The following ANKRD30B variants were observed in gnomAD, a reference collection of about 807,000 sequenced individuals.
The protein encoded by ANKRD30B is ankyrin repeat domain-containing protein 30B.
A neutral mutation model predicts 202.2 loss-of-function variants in ANKRD30B; 144 were observed. The ratio of observed to expected loss-of-function variants is 0.71; its 90% CI spans 0.62 to 0.82. ANKRD30B has a LOEUF of 0.82. Among genes scored for constraint, ANKRD30B ranks in the 40% least tolerant of loss-of-function variants. The probability of loss-of-function intolerance (pLI) is 0.00; values close to 1 mark genes in which losing one functional copy is unlikely to be tolerated. For missense variants in ANKRD30B, 1,487 were observed against 1,669.1 expected, an observed-to-expected ratio of 0.89 and a Z score of 1.90; for synonymous variants, 508 against 561.3, an observed-to-expected ratio of 0.91 and a Z score of 1.34.
the ANKRD30B span, among the ~76,000 whole-genome samples, chr18:14,880,458 A>G: frequency 1.3e-5 from 2 of 151,844 alleles, no homozygotes; most frequent in Non-Finnish European, 2.9e-5. Flanking sequence ...GAATTTGTAG[A>G]TTGCCTTTAA....
chr18:14,879,211 G>A, the ANKRD30B span, among the ~76,000 whole-genome samples: 2 of 152,130 alleles, frequency 1.3e-5, no homozygotes, highest in African/African-American at 4.8e-5. Context: ...CAGGGTCAGA[G>A]ACCAGTTAGA....
chr18:14,921,978 C>CA, the ANKRD30B span, among the ~76,000 whole-genome samples: 3 of 152,028 alleles, frequency 2.0e-5, no homozygotes, highest in South Asian at 2.1e-4. Flanking sequence ...CAAAAACAAA[C>CA]AAAAAAATCC....
At position 14,797,648 on chromosome 18, in the gene ANKRD30B, C is replaced by G; in HGVS notation, c.1928-13C>G. 6.2e-7 allele frequency: 1 copy of G among 1,604,342 alleles called. No homozygotes were observed. The highest frequency in any genetic ancestry group is 8.5e-7 in the Non-Finnish European group (1 of 1,171,508). On this transcript the variant is annotated splice_polypyrimidine_tract_variant and intron_variant, in intron 18 of 43. Coordinates refer to ENST00000690538, the MANE Select transcript of ANKRD30B (RefSeq NM_001367607.2). ...TTGCATATAATCAATTATAAATGTC[C>G]CTTTTCTTTTAGAGTCTCCTGATAA...
chr18:14,796,527 T>C (rs1236654596), intron 18 of ANKRD30B, 112 bp downstream of exon 18: 1 of 1,303,120 alleles, frequency 7.7e-7, no homozygotes, highest in African/African-American at 1.5e-5. Flanking sequence ...GGTGGGAAAA[T>C]TTGAAACAAA....
chr18:14,787,133 G>A (rs770561391), intron 15 of ANKRD30B, 33 bp downstream of exon 15: 7 of 1,562,452 alleles, frequency 4.5e-6, no homozygotes, highest in South Asian at 3.4e-5. Context: ...TTAAATATTA[G>A]TATTGCATGA....
chr18:14,772,735 T>G (rs745442242), intron 9 of ANKRD30B, among the ~76,000 whole-genome samples: 1 of 151,258 alleles, frequency 6.6e-6, no homozygotes, highest in Non-Finnish European at 1.5e-5. Context: ...TTTGCATGTA[T>G]TATTTTGATA....
chr18:14,895,898 G>A, the ANKRD30B span, among the ~76,000 whole-genome samples: 1 of 151,756 alleles, frequency 6.6e-6, no homozygotes, highest in African/African-American at 2.4e-5. Context: ...TGAATCACAG[G>A]GGATTTTTAA....
chr18:14,794,053 G>T (rs1968707404), intron 16 of ANKRD30B, among the ~76,000 whole-genome samples: 2 of 152,052 alleles, frequency 1.3e-5, no homozygotes, highest in African/African-American at 4.8e-5. Context: ...TAAAAGTGAA[G>T]TAATTAAAAT....
chr18:14,776,195 T>G (rs192717527), intron 9 of ANKRD30B, among the ~76,000 whole-genome samples: 1 of 152,196 alleles, frequency 6.6e-6, no homozygotes, highest in African/African-American at 2.4e-5. Flanking sequence ...ATTTTCAATA[T>G]TTTGACCTGG....
the ANKRD30B span, among the ~76,000 whole-genome samples, chr18:14,872,179 G>T: frequency 6.6e-6 from 1 of 152,184 alleles, no homozygotes; most frequent in Non-Finnish European, 1.5e-5. Context: ...CTCTCAGCCA[G>T]GAAGTCACTT....
At chr18:14,829,634 T>C (rs1454984391) in intron 33 of ANKRD30B, among the ~76,000 whole-genome samples, 1 of 152,104 alleles carries the variant, frequency 6.6e-6, no homozygotes, top group African/African-American at 2.4e-5. Context: ...ACAGAAGACA[T>C]TGGGAGTTAT....
chr18:14,758,446 C>T (rs2143687625), intron 5 of ANKRD30B, among the ~76,000 whole-genome samples: 1 of 152,288 alleles, frequency 6.6e-6, no homozygotes, highest in Non-Finnish European at 1.5e-5. Context: ...GAAACTGCCC[C>T]TGCAGTCTGG....
intron 16 of ANKRD30B, among the ~76,000 whole-genome samples, chr18:14,793,660 C>T (rs1443416487): frequency 1.3e-5 from 2 of 151,946 alleles, no homozygotes; most frequent in Non-Finnish European, 2.9e-5. Context: ...TTTGGGAGGC[C>T]GAGGCGGGCG....
chr18:14,843,580 TGTGTGTGTGTGTGG>T (rs1459584348), intron 39 of ANKRD30B, among the ~76,000 whole-genome samples: 3 of 151,284 alleles, frequency 2.0e-5, no homozygotes, highest in Non-Finnish European at 4.4e-5. Flanking sequence ...TGTGTGTGTG[TGTGTGTGTGTGTGG>T]TGTGCACGTT....
At chr18:14,794,032 A>G (rs987735567) in intron 16 of ANKRD30B, among the ~76,000 whole-genome samples, 18 of 152,324 alleles carry the variant, frequency 1.2e-4, no homozygotes, top group Middle Eastern at 3.4e-3. Context: ...ACTTCACGCT[A>G]TATTAGAAAT....
intron 34 of ANKRD30B, among the ~76,000 whole-genome samples, chr18:14,836,748 C>T (rs918979217): frequency 1.3e-5 from 2 of 152,004 alleles, no homozygotes; most frequent in Admixed American, 6.6e-5. Context: ...TTTACCACAT[C>T]ACTCTGGCAT....
chr18:14,932,482 G>T, the ANKRD30B span, among the ~76,000 whole-genome samples: 2 of 152,042 alleles, frequency 1.3e-5, no homozygotes, highest in African/African-American at 2.4e-5. Flanking sequence ...GACTACAGGC[G>T]CCCGCCACCG....
chr18:14,928,284 ATG>A, the ANKRD30B span, among the ~76,000 whole-genome samples: 8 of 152,078 alleles, frequency 5.3e-5, no homozygotes, highest in Admixed American at 1.3e-4. Flanking sequence ...TGTTAATTTT[ATG>A]TGTCAGCCTC....
In ANKRD30B at chr18:14,822,759, G is replaced by T. The variant is rs150217482; in HGVS notation, c.2743+82G>T. ...TGCCAAGAGCCTTTTTATTCCCAAT[G>T]TTGTTTTCTTTTCAAAATTGGATGG... is the stretch of plus-strand genomic sequence containing the variant. On this transcript the variant is annotated intron_variant, in intron 32 of 43. Coordinates refer to ENST00000690538, the MANE Select transcript of ANKRD30B (RefSeq NM_001367607.2). The T allele has an allele frequency of 2.8e-3, 3,737 of 1,328,266 alleles. 91 individuals are homozygous for T. The African/African-American group carries it at 0.051, about 18-fold the overall frequency. 82.3% of individuals were successfully genotyped at this position (1,328,266 alleles called of 1,614,324 possible). A position where few individuals can be genotyped will look rare whatever the true frequency, so the allele number is the denominator to read the frequency against.
Sources: allele counts gnomAD v4.1 joint callset (sites outside exome capture counted in the v4.1 genomes callset), GRCh38; gene constraint gnomAD v4.1.1; transcripts MANE v1.5; gene names NCBI Gene and HGNC (gene_info 2026-07-23, HGNC 2026-07-21).